The following LDLRAD4 variants were observed in gnomAD, a reference collection of about 807,000 sequenced individuals.
The protein encoded by LDLRAD4 is low density lipoprotein receptor class A domain containing 4, also known as low-density lipoprotein receptor class A domain-containing protein 4.
LDLRAD4 carries 5 observed loss-of-function variants against 17.0 expected under a neutral mutation model. The ratio of observed to expected loss-of-function variants is 0.29; its 90% confidence interval spans 0.15 to 0.62. LDLRAD4 has a LOEUF of 0.62. Ranked by LOEUF, LDLRAD4 falls within the 20% of genes least tolerant of loss-of-function variation. LDLRAD4 has a pLI of 0.84. For synonymous variants in LDLRAD4, 168 were observed against 171.8 expected, an observed-to-expected ratio of 0.98 and a Z score of 0.17; for missense variants, 340 against 424.7, an observed-to-expected ratio of 0.80 and a Z score of 1.75.
intron 1 of LDLRAD4, among the ~76,000 whole-genome samples, chr18:13,366,666 T>G (rs1271934440): frequency 1.3e-5 from 2 of 152,192 alleles, no homozygotes; most frequent in Non-Finnish European, 2.9e-5. Context: ...TTTGGTCTGA[T>G]CCCTCTCAAA....
chr18:13,244,991 G>T (rs1197149906), intron 1 of LDLRAD4, among the ~76,000 whole-genome samples: 4 of 152,218 alleles, frequency 2.6e-5, no homozygotes, highest in Non-Finnish European at 5.9e-5. Context: ...ATTCCGTGAG[G>T]CACTGCTTCC....
intron 3 of LDLRAD4, among the ~76,000 whole-genome samples, chr18:13,572,217 T>G (rs532813214): frequency 6.6e-6 from 1 of 152,316 alleles, no homozygotes; most frequent in African/African-American, 2.4e-5. Context: ...TGTACTACAT[T>G]GGGGGTAGTG....
chr18:13,642,189 C>G, intron 4 of LDLRAD4: 2 of 985,548 alleles, frequency 2.0e-6, no homozygotes, highest in Non-Finnish European at 2.4e-6. Flanking sequence ...CCGTGTTGGA[C>G]AAACGCGGGG....
At chr18:13,485,274 C>T (rs2093192906) in intron 3 of LDLRAD4, among the ~76,000 whole-genome samples, 1 of 152,194 alleles carries the variant, frequency 6.6e-6, no homozygotes, top group African/African-American at 2.4e-5. Flanking sequence ...CCCTTTTCCA[C>T]TGACCCCACA....
At chr18:13,445,490 T>G (rs1303495864) in intron 3 of LDLRAD4, among the ~76,000 whole-genome samples, 1 of 151,970 alleles carries the variant, frequency 6.6e-6, no homozygotes, top group Non-Finnish European at 1.5e-5. Flanking sequence ...AGGGTGAGTC[T>G]GTGGTGCGTT....
Position 13,398,619 on chromosome 18 carries a change from G to C in LDLRAD4, c.40+10857G>C, listed in dbSNP as rs1472367829. 1.3e-5 allele frequency among the ~76,000 whole-genome samples: 2 copies of C among 152,158 alleles called. No individual in the cohort carries two copies. Among genetic ancestry groups the C allele is most frequent in the African/African-American group, 4.8e-5 (2 of 41,444 alleles). ...TGGCTTAAGGACAGGTTTCGAAGGA[G>C]ATGGGCGGCCCCTCCCTCTAACAAC... On this transcript the variant is annotated intron_variant, in intron 2 of 5. Transcript: ENST00000359446. The surrounding 1 kb of genome is among the most constrained non-coding windows in gnomAD (Gnocchi z 4.8).
At chr18:13,465,837 G>A (rs553271831) in intron 3 of LDLRAD4, among the ~76,000 whole-genome samples, 72 of 152,160 alleles carry the variant, frequency 4.7e-4, no homozygotes, top group Non-Finnish European at 7.9e-4. Flanking sequence ...TGTATAAACC[G>A]TAATGCTGTA....
At chr18:13,623,955 C>T (rs1476665032) in intron 4 of LDLRAD4, among the ~76,000 whole-genome samples, 1 of 152,208 alleles carries the variant, frequency 6.6e-6, no homozygotes, top group Non-Finnish European at 1.5e-5. Flanking sequence ...GAGTCTCGAT[C>T]AGGGCTGATT....
At chr18:13,234,125 G>A (rs1238627023) in intron 1 of LDLRAD4, among the ~76,000 whole-genome samples, 4 of 152,168 alleles carry the variant, frequency 2.6e-5, no homozygotes, top group Admixed American at 1.3e-4. Context: ...GGGTTTCTGC[G>A]GGGCCTCTGA....
At chr18:13,635,669 T>A (rs2042014035) in intron 4 of LDLRAD4, among the ~76,000 whole-genome samples, 2 of 152,184 alleles carry the variant, frequency 1.3e-5, no homozygotes, top group African/African-American at 4.8e-5. Context: ...ATTGCTCAAG[T>A]GTAAAGGAGT....
At chr18:13,455,987 C>T (rs1600450008) in intron 3 of LDLRAD4, among the ~76,000 whole-genome samples, 1 of 152,102 alleles carries the variant, frequency 6.6e-6, no homozygotes, top group Non-Finnish European at 1.5e-5. Context: ...CTGGCAGGAG[C>T]GCCCGCCATG....
intron 2 of LDLRAD4, among the ~76,000 whole-genome samples, chr18:13,424,491 A>G (rs1275660271): frequency 6.6e-6 from 1 of 152,112 alleles, no homozygotes; most frequent in East Asian, 1.9e-4. Context: ...ACTATTAGCC[A>G]CCTACTGTGC....
At chr18:13,248,032 C>T (rs1451162242) in intron 1 of LDLRAD4, among the ~76,000 whole-genome samples, 1 of 146,348 alleles carries the variant, frequency 6.8e-6, no homozygotes, top group Non-Finnish European at 1.5e-5. Context: ...ACGATCTTGG[C>T]TCACTGCAAC....
chr18:13,577,097 C>T (rs994866717), intron 3 of LDLRAD4, among the ~76,000 whole-genome samples: 5 of 151,364 alleles, frequency 3.3e-5, no homozygotes, highest in Non-Finnish European at 5.9e-5. Context: ...TTTAAGTATC[C>T]GAATTTGCAT....
intron 3 of LDLRAD4, among the ~76,000 whole-genome samples, chr18:13,544,846 A>G (rs887832725): frequency 1.3e-5 from 2 of 150,500 alleles, no homozygotes; most frequent in African/African-American, 4.9e-5. Flanking sequence ...TCCCTGGAGC[A>G]CATCAGAAGG....
At chr18:13,498,039 C>T (rs28715839) in intron 3 of LDLRAD4, among the ~76,000 whole-genome samples, 7,569 of 57,238 alleles carry the variant, frequency 0.13, 530 homozygotes, top group South Asian at 0.34. Flanking sequence ...TCTCCACACA[C>T]GTCCCGCCAT....
At chr18:13,628,508 A>C (rs2041375856) in intron 4 of LDLRAD4, among the ~76,000 whole-genome samples, 1 of 152,220 alleles carries the variant, frequency 6.6e-6, no homozygotes, top group Admixed American at 6.5e-5. Flanking sequence ...CTGAGTGAGC[A>C]AGGACTTCCA....
intron 1 of LDLRAD4, among the ~76,000 whole-genome samples, chr18:13,242,794 A>G (rs1339915570): frequency 1.3e-5 from 2 of 152,220 alleles, no homozygotes; most frequent in Non-Finnish European, 2.9e-5. Flanking sequence ...ACTTAACTCT[A>G]ATAAAGGTAA....
At chr18:13,344,080 A>G (rs2082537935) in intron 1 of LDLRAD4, among the ~76,000 whole-genome samples, 1 of 152,160 alleles carries the variant, frequency 6.6e-6, no homozygotes, top group African/African-American at 2.4e-5. Flanking sequence ...GAAGCTCTTT[A>G]GTTTAATTAG....
Sources: gnomAD v4.1 joint callset for allele counts (sites outside exome capture counted in the v4.1 genomes callset) on GRCh38, gnomAD v4.1.1 for gene constraint, Gnocchi (gnomAD v3.1) non-coding constraint, MANE v1.5 for transcripts, NCBI Gene and HGNC (gene_info 2026-07-23, HGNC 2026-07-21) for gene names.